CACNA2D1: variants seen among roughly 807,000 people sequenced by gnomAD.
CACNA2D1 encodes the protein voltage-dependent calcium channel subunit alpha-2/delta-1.
In CACNA2D1, 53 loss-of-function variants were observed where a neutral mutation model predicts 171.5. The ratio of observed to expected loss-of-function variants is 0.31; its 90% CI spans 0.25 to 0.39. The LOEUF (loss-of-function observed/expected upper bound fraction) is 0.39, where lower values mean the gene tolerates loss of function less well. Among genes scored for constraint, CACNA2D1 ranks in the 10% least tolerant of loss-of-function variants. CACNA2D1 has a pLI of 1.00. For missense variants in CACNA2D1, 903 were observed against 1,299.8 expected, an observed-to-expected ratio of 0.69 and a Z score of 4.69; for synonymous variants, 442 against 443.1, an observed-to-expected ratio of 1.00 and a Z score of 0.03.
intron 3 of CACNA2D1, among the ~76,000 whole-genome samples, chr7:82,278,078 C>G (rs1209750001): frequency 6.6e-6 from 1 of 152,036 alleles, no homozygotes; most frequent in Non-Finnish European, 1.5e-5. Flanking sequence ...TAATTTTTAG[C>G]TCTCTGACAA....
intron 1 of CACNA2D1, among the ~76,000 whole-genome samples, chr7:82,411,811 T>C (rs1827699013): frequency 1.3e-5 from 2 of 151,450 alleles, no homozygotes; most frequent in Non-Finnish European, 2.9e-5. Flanking sequence ...CTAAATTTGC[T>C]GAGAAGTAAA....
At chr7:82,026,480 C>G (rs1016204082) in intron 12 of CACNA2D1, among the ~76,000 whole-genome samples, 7 of 151,608 alleles carry the variant, frequency 4.6e-5, no homozygotes, top group Admixed American at 2.0e-4. Context: ...TTATATTTTA[C>G]TAAATCTATC....
chr7:82,198,291 C>A (rs145875169), intron 3 of CACNA2D1, among the ~76,000 whole-genome samples: 1,619 of 152,122 alleles, frequency 0.011, 28 homozygotes, highest in African/African-American at 0.037. Flanking sequence ...TACTGGAGCA[C>A]AAAGTACTAT....
chr7:82,263,673 A>T lies in CACNA2D1; in HGVS notation c.294+71462T>A, dbSNP rs528994941. Reference sequence around the variant, plus strand: ...CATTAAAATGAAAATAAAGGTATAGATATACTTTTGTTTTGTTTCGTTTTG... The same window carrying T: ...CATTAAAATGAAAATAAAGGTATAGTTATACTTTTGTTTTGTTTCGTTTTG... On this transcript the variant is annotated intron_variant, in intron 3 of 38. Coordinates refer to ENST00000356860, the MANE Select transcript of CACNA2D1 (RefSeq NM_000722.4). Among the ~76,000 whole-genome samples, 3 of 152,316 alleles carry T rather than the reference A, an allele frequency of 2.0e-5. No individual in the cohort carries two copies. The East Asian group carries it at 5.8e-4, about 29-fold the overall frequency.
At chr7:82,418,477 G>C (rs924280007) in intron 1 of CACNA2D1, among the ~76,000 whole-genome samples, 1 of 152,080 alleles carries the variant, frequency 6.6e-6, no homozygotes, top group Non-Finnish European at 1.5e-5. Context: ...AAGAAGCAGA[G>C]ATACTACTTT....
intron 9 of CACNA2D1, among the ~76,000 whole-genome samples, chr7:82,062,695 C>G (rs1435713911): frequency 1.4e-5 from 2 of 145,402 alleles, no homozygotes; most frequent in Non-Finnish European, 3.0e-5. Context: ...GTGTGTTGCA[C>G]CCAGTAACTT....
chr7:81,961,217 C>CATTA (rs778683017), intron 36 of CACNA2D1, among the ~76,000 whole-genome samples: 23 of 152,034 alleles, frequency 1.5e-4, no homozygotes, highest in Admixed American at 2.6e-4. Context: ...AATCCTGTGG[C>CATTA]ATTAATTATT....
At chr7:82,324,693 C>T (rs958266121) in intron 3 of CACNA2D1, among the ~76,000 whole-genome samples, 6 of 152,050 alleles carry the variant, frequency 3.9e-5, no homozygotes, top group Admixed American at 1.3e-4. Flanking sequence ...CCATTTACCA[C>T]ATTAACAAAT....
chr7:82,287,130 G>A (rs187533958), intron 3 of CACNA2D1, among the ~76,000 whole-genome samples: 114 of 152,094 alleles, frequency 7.5e-4, no homozygotes, highest in Non-Finnish European at 1.3e-3. Context: ...GACAATTAGC[G>A]CCAATGTATT....
chr7:82,229,126 T>G (rs1802643059), intron 3 of CACNA2D1, among the ~76,000 whole-genome samples: 1 of 152,148 alleles, frequency 6.6e-6, no homozygotes, highest in South Asian at 2.1e-4. Flanking sequence ...ACATAATGAA[T>G]TCTTTCCATT....
chr7:82,199,139 CT>C (rs1217117915), intron 3 of CACNA2D1, among the ~76,000 whole-genome samples: 1 of 152,064 alleles, frequency 6.6e-6, no homozygotes, highest in Non-Finnish European at 1.5e-5. Context: ...TATTTACATA[CT>C]TTTATTTTCA....
intron 12 of CACNA2D1, among the ~76,000 whole-genome samples, chr7:82,030,493 G>GA (rs1050134306): frequency 3.7e-4 from 56 of 150,960 alleles, no homozygotes; most frequent in Non-Finnish European, 6.5e-4. Flanking sequence ...AAATCCACCT[G>GA]AAAAAACCTT....
At chr7:82,440,515 A>G (rs750717380) in intron 1 of CACNA2D1, among the ~76,000 whole-genome samples, 1 of 151,926 alleles carries the variant, frequency 6.6e-6, no homozygotes, top group Non-Finnish European at 1.5e-5. Flanking sequence ...ATATCAACCA[A>G]TACACATTAT....
At chr7:82,297,667 T>C (rs1284066584) in intron 3 of CACNA2D1, among the ~76,000 whole-genome samples, 1 of 152,202 alleles carries the variant, frequency 6.6e-6, no homozygotes, top group Non-Finnish European at 1.5e-5. Flanking sequence ...TTTAGCCTTT[T>C]TAATGTAGTT....
intron 3 of CACNA2D1, among the ~76,000 whole-genome samples, chr7:82,266,646 A>T (rs752496622): frequency 2.0e-5 from 3 of 151,908 alleles, no homozygotes; most frequent in Non-Finnish European, 2.9e-5. Context: ...CCTCCCGAGT[A>T]GGCAGGATTA....
At chr7:82,432,037 T>TAAAAAAAAAAAAAAAAAAAAAAAA (rs34180150) in intron 1 of CACNA2D1, among the ~76,000 whole-genome samples, 14 of 82,210 alleles carry the variant, frequency 1.7e-4, no homozygotes, top group African/African-American at 9.2e-4. Context: ...GACTCTGTCT[T>TAAAAAAAAAAAAAAAAAAAAAAAA]AAAAAAAAAA....
intron 3 of CACNA2D1, among the ~76,000 whole-genome samples, chr7:82,207,669 C>A (rs1280978391): frequency 6.6e-6 from 1 of 152,164 alleles, no homozygotes; most frequent in Admixed American, 6.5e-5. Flanking sequence ...ACATAGTCAC[C>A]TGCTGGTAGC....
At chr7:82,219,999 T>G (rs1010873530) in intron 3 of CACNA2D1, among the ~76,000 whole-genome samples, 6 of 152,104 alleles carry the variant, frequency 3.9e-5, no homozygotes, top group Admixed American at 3.3e-4. Context: ...AGATTCACTG[T>G]TTTTTTCCAT....
intron 21 of CACNA2D1, among the ~76,000 whole-genome samples, chr7:81,989,021 G>A (rs752508772): frequency 3.9e-5 from 6 of 152,174 alleles, no homozygotes; most frequent in African/African-American, 1.4e-4. Context: ...GTTGGAGAAG[G>A]CCTTTCTGAA....
Sources: gnomAD v4.1 joint callset for allele counts (sites outside exome capture counted in the v4.1 genomes callset) on GRCh38, gnomAD v4.1.1 for gene constraint, MANE v1.5 for transcripts, NCBI Gene and HGNC (gene_info 2026-07-23, HGNC 2026-07-21) for gene names.